HELZ: variants seen among roughly 807,000 people sequenced by gnomAD.
The protein encoded by HELZ is ATP-dependent RNA helicase with zinc finger domain.
A neutral mutation model predicts 218.2 loss-of-function variants in HELZ; 23 were observed. The observed-to-expected ratio is 0.11, with a 90% CI of 0.08 to 0.15. The LOEUF (loss-of-function observed/expected upper bound fraction) is 0.15. Among genes scored for constraint, HELZ ranks in the 10% least tolerant of loss-of-function variants. The pLI is 1.00. For missense variants in HELZ, 1,813 were observed against 2,353.7 expected, an observed-to-expected ratio of 0.77 and a Z score of 4.75; for synonymous variants, 814 against 829.4, an observed-to-expected ratio of 0.98 and a Z score of 0.32.
chr17:67,104,281 C>CA (rs1157450639), intron 31 of HELZ, among the ~76,000 whole-genome samples: 4 of 151,396 alleles, frequency 2.6e-5, no homozygotes, highest in South Asian at 2.1e-4. Flanking sequence ...AAAAAAAATA[C>CA]AAAAAAAATT....
In HELZ at chr17:67,213,578, C is replaced by T. The variant is rs370079171; in HGVS notation, c.247+2321G>A. ...CGGAGGTCACAGTGACCCGAGATCACGCCACTGCACTCCAGCCTGATGACA... is the reference window on the plus strand; with the variant it reads ...CGGAGGTCACAGTGACCCGAGATCATGCCACTGCACTCCAGCCTGATGACA... On this transcript the variant is annotated intron_variant, in intron 5 of 32. Transcript: ENST00000358691. Among the ~76,000 whole-genome samples, 17 of 152,154 alleles carry T rather than the reference C, an allele frequency of 1.1e-4. No individual in the cohort carries two copies. In the East Asian group the frequency reaches 1.2e-3, roughly 10 times the overall value.
intron 14 of HELZ, 38 bp from the exon 15 acceptor site, chr17:67,166,646 A>C: frequency 6.2e-7 from 1 of 1,602,758 alleles, no homozygotes; most frequent in Non-Finnish European, 8.5e-7. Flanking sequence ...ACTGCATGAA[A>C]GCAAACATCA....
intron 7 of HELZ, chr17:67,200,922 A>T: frequency 1.8e-6 from 1 of 544,136 alleles, no homozygotes. Context: ...GCCCTGGCAC[A>T]CAGAGGAGAC....
rs2038580466 is a variant in HELZ at position 67,148,557 on chromosome 17, G to C, written c.2621+12C>G. ...ACGAAAGTATGACACGGAGGGGGCA[G>C]TTCACACCTACTTGATGATAGCTTC... On this transcript the variant is annotated intron_variant, in intron 20 of 32. Transcript: ENST00000358691. 6.2e-7 allele frequency: 1 copy of C among 1,609,124 alleles called. No individual in the cohort carries two copies. The highest frequency in any genetic ancestry group is 1.3e-5 in the African/African-American group (1 of 74,746).
chr17:67,092,894 G>GC (rs941546555), intron 31 of HELZ, among the ~76,000 whole-genome samples: 68 of 151,348 alleles, frequency 4.5e-4, no homozygotes, highest in Middle Eastern at 3.4e-3. Context: ...GAAACCGGCG[G>GC]GGGGGGGAAG....
chr17:67,078,032 T>C lies in HELZ; in HGVS notation c.*220A>G, dbSNP rs948693452. On this transcript the variant is annotated 3_prime_UTR_variant, in exon 33 of 33. Coordinates refer to ENST00000358691, the MANE Select transcript of HELZ (RefSeq NM_014877.4). Reference sequence around the variant, plus strand: ...CACAAATTTAAAAATTTTTTTATTCTACATAAAAGCTGTCAAAGTTTTGAC... The same window carrying C: ...CACAAATTTAAAAATTTTTTTATTCCACATAAAAGCTGTCAAAGTTTTGAC... The C allele has an allele frequency of 1.8e-5, 7 of 384,360 alleles. No homozygotes were observed. Among genetic ancestry groups the C allele is most frequent in the African/African-American group, 1.5e-4 (7 of 47,552 alleles). The allele number at this position is 384,360 out of a possible 1,614,324, so 23.8% of individuals were successfully genotyped here.
At chr17:67,112,804 T>C (rs1033729527) in intron 28 of HELZ, among the ~76,000 whole-genome samples, 3 of 152,154 alleles carry the variant, frequency 2.0e-5, no homozygotes, top group Non-Finnish European at 2.9e-5. Context: ...GCTTAAGGAC[T>C]AGAGACAGAT....
At chr17:67,202,603 A>G (rs8066806) in intron 6 of HELZ, among the ~76,000 whole-genome samples, 45,060 of 152,132 alleles carry the variant, frequency 0.3, 8,777 homozygotes, top group African/African-American at 0.56. Context: ...ACACACATAC[A>G]AACAGAAACA....
chr17:67,215,796 G>A, intron 5 of HELZ, 103 bp downstream of exon 5: 1 of 772,348 alleles, frequency 1.3e-6, no homozygotes, highest in South Asian at 1.5e-5. Flanking sequence ...ACAGTAAGGT[G>A]GGCTTTTCAA....
intron 7 of HELZ, among the ~76,000 whole-genome samples, chr17:67,198,511 C>T (rs962686290): frequency 1.3e-5 from 2 of 152,174 alleles, no homozygotes; most frequent in Admixed American, 6.5e-5. Flanking sequence ...AAAAAGGCAA[C>T]AGTTTATCAT....
intron 21 of HELZ, among the ~76,000 whole-genome samples, chr17:67,141,271 T>C (rs1043678752): frequency 6.6e-6 from 1 of 152,126 alleles, no homozygotes; most frequent in African/African-American, 2.4e-5. Context: ...TAGGCTATAA[T>C]ATATAACAAC....
chr17:67,097,956 CTAAAT>C (rs1475975872), intron 31 of HELZ, among the ~76,000 whole-genome samples: 1 of 152,124 alleles, frequency 6.6e-6, no homozygotes, highest in Non-Finnish European at 1.5e-5. Flanking sequence ...TTTGAGATCT[CTAAAT>C]TAATCATTTG....
At chr17:67,089,894 T>A (rs574422059) in intron 31 of HELZ, among the ~76,000 whole-genome samples, 1 of 151,720 alleles carries the variant, frequency 6.6e-6, no homozygotes, top group African/African-American at 2.4e-5. Context: ...TCCCTCCCAA[T>A]CCCTAATGCC....
At chr17:67,182,723 T>C (rs1177393707) in intron 12 of HELZ, among the ~76,000 whole-genome samples, 1 of 152,172 alleles carries the variant, frequency 6.6e-6, no homozygotes, top group East Asian at 1.9e-4. Context: ...CTATCAAAAA[T>C]AGAATTCAAG....
rs1294103707 is a variant in HELZ at position 67,086,947 on chromosome 17, G to C, written c.5376C>G (p.Asn1792Lys). 6.2e-7 allele frequency: 1 copy of C among 1,613,852 alleles called. No homozygotes were observed. The highest frequency in any genetic ancestry group is 1.7e-5 in the Admixed American group (1 of 59,984). Residue 1792 changes from asparagine to lysine, a missense_variant, in exon 32 of 33, where the codon AAC (asparagine) becomes AAG (lysine). Asn to Lys is a moderately conservative substitution (Grantham distance 94, BLOSUM62 0). This residue lies in a region of HELZ where 938 missense variants were observed against 1,027.5 expected (regional missense o/e 0.91). Transcript: ENST00000358691. ...AQCKELQDHS[N>K]QSSFNFSSPE... Reference sequence around the variant, plus strand: ...GGGATGAAAAGTTGAAAGAAGATTGGTTACTGTGGTCCTGAAGCTCTTTAC... The same window carrying C: ...GGGATGAAAAGTTGAAAGAAGATTGCTTACTGTGGTCCTGAAGCTCTTTAC...
intron 9 of HELZ, among the ~76,000 whole-genome samples, chr17:67,193,344 C>CAAAAA (rs34516607): frequency 3.6e-4 from 33 of 91,656 alleles, no homozygotes; most frequent in Non-Finnish European, 5.0e-4. Flanking sequence ...GACTCTGTCT[C>CAAAAA]AAAAAAAAAA....
At chr17:67,226,461 C>CTA (rs1483765245) in intron 3 of HELZ, among the ~76,000 whole-genome samples, 1 of 152,120 alleles carries the variant, frequency 6.6e-6, no homozygotes, top group Non-Finnish European at 1.5e-5. Context: ...GATTCCACTA[C>CTA]ATACCTATTA....
At chr17:67,191,465 T>C (rs143887466) in intron 9 of HELZ, among the ~76,000 whole-genome samples, 34 of 152,276 alleles carry the variant, frequency 2.2e-4, no homozygotes, top group African/African-American at 7.2e-4. Context: ...GATAATTTTT[T>C]TTTTTGGAGA....
intron 3 of HELZ, 84 bp from the exon 4 acceptor site, chr17:67,218,906 T>A: frequency 1.1e-6 from 1 of 927,310 alleles, no homozygotes; most frequent in Non-Finnish European, 1.7e-6. Flanking sequence ...TCAGCTGGCT[T>A]AATTATCTAT....
Sources: gnomAD v4.1 joint callset for allele counts (sites outside exome capture counted in the v4.1 genomes callset) on GRCh38, gnomAD v4.1.1 for gene constraint, gnomAD v4.1.1 regional missense constraint, MANE v1.5 for transcripts, NCBI Gene and HGNC (gene_info 2026-07-23, HGNC 2026-07-21) for gene names.